WDR41: variants seen among roughly 807,000 people sequenced by gnomAD.
WDR41 encodes the protein WD repeat domain 41.
A neutral mutation model predicts 69.3 loss-of-function variants in WDR41; 63 were observed. The observed-to-expected ratio is 0.91, with a 90% CI of 0.74 to 1.12. The LOEUF is 1.12. WDR41 is among the 50% of genes most tolerant of loss of function. WDR41 has a pLI of 0.00. For synonymous variants in WDR41, 185 were observed against 192.1 expected (o/e 0.96, Z 0.31); for missense variants, 543 against 534.5 (o/e 1.02, Z -0.16).
chr5:77,484,251 A>G (rs1204373148), intron 2 of WDR41, among the ~76,000 whole-genome samples: 1 of 152,218 alleles, frequency 6.6e-6, no homozygotes, highest in African/African-American at 2.4e-5. Flanking sequence ...ACAAGCTGAA[A>G]GGACAAAATT....
In WDR41 at chr5:77,548,032, A is replaced by G. The variant is rs1281391573; in HGVS notation, c.43-58460T>C. ...AAGCAAACAAAAACATAAAGTGGGG[A>G]AAGGACACCCTTTTCAACAAATGAT... On this transcript the variant is annotated intron_variant, in intron 1 of 5. Transcript: ENST00000509971. Among the ~76,000 whole-genome samples the G allele has an allele frequency of 4.0e-5, 6 of 151,514 alleles. No individual in the cohort carries two copies. The East Asian group carries it at 1.2e-3, about 29-fold the overall frequency.
At chr5:77,487,078 T>TGGGATA (rs750190224) in intron 2 of WDR41, among the ~76,000 whole-genome samples, 2 of 152,200 alleles carry the variant, frequency 1.3e-5, no homozygotes, top group Non-Finnish European at 2.9e-5. Context: ...CTTCTAACTA[T>TGGGATA]GGGATAGGAA....
At chr5:77,437,570 G>A (rs2151286665) in intron 10 of WDR41, 146 bp from the exon 11 acceptor site, 8 of 725,210 alleles carry the variant, frequency 1.1e-5, no homozygotes, top group Non-Finnish European at 1.7e-5. Flanking sequence ...TTAGCATGAC[G>A]TTACAACGCA....
chr5:77,511,849 G>T (rs758873389), intron 1 of WDR41, among the ~76,000 whole-genome samples: 1 of 151,774 alleles, frequency 6.6e-6, no homozygotes, highest in Non-Finnish European at 1.5e-5. Context: ...CATTAGTTAA[G>T]TTTCGATTCT....
chr5:77,494,569 C>G (rs1181069028), upstream of WDR41, among the ~76,000 whole-genome samples: 1 of 151,998 alleles, frequency 6.6e-6, no homozygotes, highest in Non-Finnish European at 1.5e-5. Flanking sequence ...AAGACAGAAA[C>G]ATTATGTTAT....
chr5:77,496,902 T>C (rs867707801), upstream of WDR41, among the ~76,000 whole-genome samples: 1 of 152,170 alleles, frequency 6.6e-6, no homozygotes, highest in African/African-American at 2.4e-5. Flanking sequence ...AGGACAGACA[T>C]GTAGACCAAT....
At chr5:77,542,566 A>C (rs1325817010) in intron 1 of WDR41, among the ~76,000 whole-genome samples, 1 of 152,258 alleles carries the variant, frequency 6.6e-6, no homozygotes, top group East Asian at 1.9e-4. Context: ...CTAAACAAAA[A>C]TGATAAAGTT....
At chr5:77,490,652 A>T (rs1801734061) in intron 1 of WDR41, among the ~76,000 whole-genome samples, 1 of 152,206 alleles carries the variant, frequency 6.6e-6, no homozygotes, top group African/African-American at 2.4e-5. Flanking sequence ...TCCTTCTAGA[A>T]GAGATTGTGG....
intron 1 of WDR41, among the ~76,000 whole-genome samples, chr5:77,490,355 GC>G (rs1244527481): frequency 6.6e-6 from 1 of 152,078 alleles, no homozygotes; most frequent in Admixed American, 6.5e-5. Flanking sequence ...CAATAGAACT[GC>G]CCCTCTGCAA....
At chr5:77,582,965 T>C (rs1430737599) in intron 1 of WDR41, 13 of 1,607,532 alleles carry the variant, frequency 8.1e-6, no homozygotes, top group African/African-American at 8.0e-5. Context: ...ATCTATACTG[T>C]TGGAAAACGC....
At chr5:77,455,537 C>G (rs541456207) in intron 5 of WDR41, among the ~76,000 whole-genome samples, 1 of 152,298 alleles carries the variant, frequency 6.6e-6, no homozygotes, top group South Asian at 2.1e-4. Flanking sequence ...CCCAAGGTCA[C>G]AGAGATGTAC....
chr5:77,493,118 C>T (rs562972923), upstream of WDR41, among the ~76,000 whole-genome samples: 2 of 152,218 alleles, frequency 1.3e-5, no homozygotes, highest in Admixed American at 1.3e-4. Flanking sequence ...TCCTGGCTTC[C>T]ACCTCAGACT....
At chr5:77,545,835 G>T (rs555296689) in intron 1 of WDR41, 323 of 871,350 alleles carry the variant, frequency 3.7e-4, no homozygotes, top group Non-Finnish European at 4.9e-4. Context: ...TGCCATCCGT[G>T]GGGCCATGAT....
intron 1 of WDR41, chr5:77,545,821 C>T: frequency 2.1e-6 from 2 of 970,376 alleles, no homozygotes; most frequent in East Asian, 2.8e-5. Flanking sequence ...AAGGAGGTGG[C>T]CACTGCCATC....
intron 1 of WDR41, among the ~76,000 whole-genome samples, chr5:77,605,151 T>G (rs1185577175): frequency 1.3e-5 from 2 of 152,228 alleles, no homozygotes; most frequent in Non-Finnish European, 2.9e-5. Flanking sequence ...AAAATGCTAC[T>G]GATTGAACCA....
chr5:77,570,369 ACATGATT>A, intron 1 of WDR41, among the ~76,000 whole-genome samples: 1 of 151,620 alleles, frequency 6.6e-6, no homozygotes. Flanking sequence ...TATGACTAAA[ACATGATT>A]CAATGGGAAG....
chr5:77,465,180 A>AG (rs1179317272), intron 2 of WDR41, among the ~76,000 whole-genome samples: 1 of 152,198 alleles, frequency 6.6e-6, no homozygotes, highest in Non-Finnish European at 1.5e-5. Context: ...TTACGATGTT[A>AG]AATAAATTCA....
chr5:77,542,553 G>C (rs1580000764), intron 1 of WDR41, among the ~76,000 whole-genome samples: 1 of 152,268 alleles, frequency 6.6e-6, no homozygotes, highest in East Asian at 1.9e-4. Context: ...AGGTTTTGTG[G>C]AGCTAAACAA....
chr5:77,568,789 C>T (rs1580014308), intron 1 of WDR41, among the ~76,000 whole-genome samples: 1 of 152,186 alleles, frequency 6.6e-6, no homozygotes, highest in Non-Finnish European at 1.5e-5. Context: ...AATCAACAGA[C>T]TATCCTCTCC....
Sources: gnomAD v4.1 joint callset for allele counts (sites outside exome capture counted in the v4.1 genomes callset) on GRCh38, gnomAD v4.1.1 for gene constraint, MANE v1.5 for transcripts, NCBI Gene and HGNC (gene_info 2026-07-23, HGNC 2026-07-21) for gene names.